The following TGIF1 variants were observed in gnomAD, a reference collection of about 807,000 sequenced individuals.
The protein encoded by TGIF1 is TGFB induced factor homeobox 1.
In TGIF1, 4 loss-of-function variants were observed where a neutral mutation model predicts 19.3. The observed-to-expected ratio is 0.21, with a 90% CI of 0.10 to 0.47. The LOEUF (loss-of-function observed/expected upper bound fraction) is 0.47. TGIF1 is among the 20% of genes least tolerant of loss of function. The pLI, the probability that TGIF1 is intolerant of heterozygous loss-of-function variation, is 0.98. For missense variants in TGIF1, 275 were observed against 341.4 expected (o/e 0.81, Z 1.53); for synonymous variants, 122 against 129.3 (o/e 0.94, Z 0.38).
chr18:3,421,498 C>T (rs937468813), intron 2 of TGIF1, among the ~76,000 whole-genome samples: 1 of 151,130 alleles, frequency 6.6e-6, no homozygotes, highest in Non-Finnish European at 1.5e-5. Context: ...CCGCAACTTC[C>T]ACCTCCCAGG....
intron 2 of TGIF1, among the ~76,000 whole-genome samples, chr18:3,437,812 G>A (rs549647416): frequency 4.6e-5 from 7 of 152,158 alleles, no homozygotes; most frequent in Non-Finnish European, 7.3e-5. Context: ...GGCCGGGCAC[G>A]GTGGCTCATG....
In TGIF1 at chr18:3,451,976, G is replaced by C. The variant is rs1568048215; in HGVS notation, c.16+1471G>C. The C allele has an allele frequency of 1.3e-6, 2 of 1,576,994 alleles. No homozygotes were observed. The highest frequency in any genetic ancestry group is 1.4e-5 in the African/African-American group (1 of 73,992). ...GAATAAGTGAGGGGCTCTGTGTTTC[G>C]AGGATGGTTCTAGCGCAGAGCCGGG... On this transcript the variant is annotated intron_variant, in intron 1 of 2. Coordinates refer to ENST00000343820, the MANE Select transcript of TGIF1 (RefSeq NM_003244.4). The surrounding 1 kb of genome is among the most constrained non-coding windows in gnomAD (Gnocchi z 5.4).
chr18:3,422,673 C>CTTTTTTGTTTTTTTTTTTTTTT, intron 2 of TGIF1, among the ~76,000 whole-genome samples: 1 of 24,672 alleles, frequency 4.1e-5, no homozygotes, highest in Non-Finnish European at 1.6e-4. Context: ...TATAGGTGGC[C>CTTTTTTGTTTTTTTTTTTTTTT]TTTTTTTTTT....
At chr18:3,434,615 T>G (rs999359375) in intron 2 of TGIF1, among the ~76,000 whole-genome samples, 22 of 152,200 alleles carry the variant, frequency 1.4e-4, no homozygotes, top group Non-Finnish European at 8.8e-5. Flanking sequence ...CTCGGGAGGC[T>G]GAGGCAGGAG....
intron 2 of TGIF1, among the ~76,000 whole-genome samples, chr18:3,424,259 T>C (rs1248477995): frequency 6.6e-6 from 1 of 152,150 alleles, no homozygotes; most frequent in South Asian, 2.1e-4. Context: ...TTTTTTTTAA[T>C]GTCAGATGGG....
upstream of TGIF1, chr18:3,447,631 GT>G: frequency 8.1e-7 from 1 of 1,240,358 alleles, no homozygotes; most frequent in Non-Finnish European, 1.2e-6. Flanking sequence ...GGGGGAGGCA[GT>G]GGGGGTGCAT....
chr18:3,438,623 A>ACACACACACACACACACACACACG (rs1463356478), intron 2 of TGIF1, among the ~76,000 whole-genome samples: 2 of 151,758 alleles, frequency 1.3e-5, no homozygotes, highest in Admixed American at 1.3e-4. Flanking sequence ...ACACACACAC[A>ACACACACACACACACACACACACG]CACACGAGAA....
chr18:3,449,683 C>T, upstream of TGIF1: 3 of 985,474 alleles, frequency 3.0e-6, no homozygotes, highest in Non-Finnish European at 3.6e-6. Context: ...AATACTTTTC[C>T]TCCCGTGCCC....
chr18:3,450,602 G>T, intron 1 of TGIF1, 97 bp downstream of exon 1: 4 of 1,545,580 alleles, frequency 2.6e-6, no homozygotes, highest in Non-Finnish European at 3.5e-6. Context: ...GGACTTTTCC[G>T]CCCAGGGGCT....
At chr18:3,452,026 A>T (rs762287108) in intron 1 of TGIF1, 3 of 1,610,908 alleles carry the variant, frequency 1.9e-6, no homozygotes, top group Non-Finnish European at 1.7e-6. Flanking sequence ...GGCTCCCCGC[A>T]TTGTTCGGGC....
At position 3,456,767 on chromosome 18, in the gene TGIF1, T is replaced by C; in HGVS notation, c.243+187T>C. On this transcript the variant is annotated intron_variant, in intron 2 of 2. Coordinates refer to ENST00000343820, the MANE Select transcript of TGIF1 (RefSeq NM_003244.4). This position sits in a 1 kb window ranked among gnomAD's most constrained non-coding sequence, Gnocchi z 4.2. ...TAGAGAACACAGAAACACTTGACAG[T>C]CATCTATCAGATAGCATTTCCTTTA... The C allele has an allele frequency of 2.9e-6, 2 of 698,516 alleles. No individual in the cohort carries two copies. The highest frequency in any genetic ancestry group is 1.5e-5 in the South Asian group (1 of 65,588). The allele number at this position is 698,516 out of a possible 1,614,324, so 43.3% of individuals were successfully genotyped here. A position where few individuals can be genotyped will look rare whatever the true frequency, so the allele number is the denominator to read the frequency against.
At chr18:3,428,670 G>C (rs753810545) in intron 2 of TGIF1, among the ~76,000 whole-genome samples, 2 of 152,080 alleles carry the variant, frequency 1.3e-5, no homozygotes, top group Non-Finnish European at 2.9e-5. Flanking sequence ...TCAGGAGGTG[G>C]AGGTTGCAGT....
chr18:3,456,138 G>A lies in TGIF1; in HGVS notation c.17-216G>A. The A allele has an allele frequency of 3.2e-6, 2 of 632,806 alleles. No individual in the cohort carries two copies. The highest frequency in any genetic ancestry group is 3.6e-5 in the South Asian group (2 of 55,680). The allele number at this position is 632,806 out of a possible 1,614,324, so 39.2% of individuals were successfully genotyped here. A position where few individuals can be genotyped will look rare whatever the true frequency, so the allele number is the denominator to read the frequency against. On this transcript the variant is annotated intron_variant, in intron 1 of 2. Transcript: ENST00000343820. This position sits in a 1 kb window ranked among gnomAD's most constrained non-coding sequence, Gnocchi z 4.2. ...ATGAATCCTAGAGGAAAGCGGCTGA[G>A]AAAAGGCATCTGGCATTTGGTTGAG... is the stretch of plus-strand genomic sequence containing the variant.
At chr18:3,450,147 T>A (rs1041535959), upstream of TGIF1, 9 of 1,215,708 alleles carry the variant, frequency 7.4e-6, no homozygotes, top group Non-Finnish European at 9.3e-6. Flanking sequence ...CAGGACCTCC[T>A]GTACCTTCCC....
chr18:3,456,235 TCTC>T lies in TGIF1; in HGVS notation c.17-115_17-113del, dbSNP rs906701856. Reference sequence around the variant, plus strand: ...ATTCAGGACAGAAAACACTGCTCCTTCTCCTCGCTCTCAGTTGTTGGGAAAGCA... The same window carrying T: ...ATTCAGGACAGAAAACACTGCTCCTTCTCGCTCTCAGTTGTTGGGAAAGCA... On this transcript the variant is annotated intron_variant, in intron 1 of 2. Coordinates refer to ENST00000343820, the MANE Select transcript of TGIF1 (RefSeq NM_003244.4). The surrounding 1 kb of genome is among the most constrained non-coding windows in gnomAD (Gnocchi z 4.2). 6.0e-6 allele frequency: 6 copies of T among 994,668 alleles called. No homozygotes were observed. In the African/African-American group the frequency reaches 7.9e-5, roughly 13 times the overall value. The allele number at this position is 994,668 out of a possible 1,614,324, so 61.6% of individuals were successfully genotyped here.
intron 1 of TGIF1, chr18:3,412,853 A>G (rs569296492): frequency 6.6e-6 from 1 of 152,336 alleles, no homozygotes; most frequent in East Asian, 1.9e-4. Context: ...TCTACAAAAA[A>G]TAAGAAAATA....
At chr18:3,420,842 G>A (rs556448614) in intron 2 of TGIF1, among the ~76,000 whole-genome samples, 1 of 152,296 alleles carries the variant, frequency 6.6e-6, no homozygotes, top group East Asian at 1.9e-4. Context: ...GCTGCTTTTA[G>A]CCAAGTTCTG....
chr18:3,456,922 GAC>G lies in TGIF1; in HGVS notation c.243+346_243+347del. The G allele has an allele frequency of 1.7e-6, 1 of 593,368 alleles. No individual in the cohort carries two copies. Among genetic ancestry groups the G allele is most frequent in the South Asian group, 2.1e-5 (1 of 47,160 alleles). The allele number at this position is 593,368 out of a possible 1,614,324, so 36.8% of individuals were successfully genotyped here. ...TGAGGTAATTCATGTTATGTCTGTT[GAC>G]ACAGTCATTTGAACTGGGAAAAATC... On this transcript the variant is annotated intron_variant, in intron 2 of 2. Coordinates refer to ENST00000343820, the MANE Select transcript of TGIF1 (RefSeq NM_003244.4). This position sits in a 1 kb window ranked among gnomAD's most constrained non-coding sequence, Gnocchi z 4.2.
At chr18:3,423,210 C>G (rs748291557) in intron 2 of TGIF1, among the ~76,000 whole-genome samples, 2 of 152,076 alleles carry the variant, frequency 1.3e-5, no homozygotes, top group African/African-American at 2.4e-5. Context: ...GAATGTCTCC[C>G]CGTCGTTGAT....
Sources: gnomAD v4.1 joint callset for allele counts (sites outside exome capture counted in the v4.1 genomes callset) on GRCh38, gnomAD v4.1.1 for gene constraint, Gnocchi (gnomAD v3.1) non-coding constraint, MANE v1.5 for transcripts, NCBI Gene and HGNC (gene_info 2026-07-23, HGNC 2026-07-21) for gene names.